The following ITGA11 variants were observed in gnomAD, a reference collection of about 807,000 sequenced individuals.
ITGA11 encodes the protein integrin subunit alpha 11.
ITGA11 carries 97 observed loss-of-function variants against 141.9 expected under a neutral mutation model. That is an observed-to-expected ratio of 0.68 (90% CI 0.58 to 0.81). The LOEUF is 0.81. Ranked by LOEUF, ITGA11 falls within the 30% of genes least tolerant of loss-of-function variation. The pLI is 0.00. For synonymous variants in ITGA11, 658 were observed against 624.6 expected (o/e 1.05, Z -0.80); for missense variants, 1,387 against 1,559.2 (o/e 0.89, Z 1.86).
intron 1 of ITGA11, among the ~76,000 whole-genome samples, chr15:68,428,770 A>G (rs1023457292): frequency 6.6e-6 from 1 of 152,174 alleles, no homozygotes; most frequent in African/African-American, 2.4e-5. Context: ...CACAAGGGCC[A>G]TGTTGCATGG....
intron 10 of ITGA11, among the ~76,000 whole-genome samples, chr15:68,343,236 CAT>C (rs1894630591): frequency 1.3e-5 from 2 of 152,184 alleles, no homozygotes; most frequent in East Asian, 3.9e-4. Flanking sequence ...ATTGCGGTAG[CAT>C]GTGAGAAGTG....
rs1420719644 is a variant in ITGA11 at position 68,325,469 on chromosome 15, C to T, written c.2212-228G>A. On this transcript the variant is annotated intron_variant, in intron 17 of 29. Coordinates refer to ENST00000315757, the MANE Select transcript of ITGA11 (RefSeq NM_001004439.2). This position sits in a 1 kb window ranked among gnomAD's most constrained non-coding sequence, Gnocchi z 5.5. Reference sequence around the variant, plus strand: ...AGCTCAGCTCATGCCAACCTAGCTGCCTGGCTGTTTTGCCAAGCTCCTGCA... The same window carrying T: ...AGCTCAGCTCATGCCAACCTAGCTGTCTGGCTGTTTTGCCAAGCTCCTGCA... Among the ~76,000 whole-genome samples the T allele has an allele frequency of 6.6e-6, 1 of 152,196 alleles. No individual in the cohort carries two copies. Among genetic ancestry groups the T allele is most frequent in the Non-Finnish European group, 1.5e-5 (1 of 68,040 alleles).
intron 2 of ITGA11, among the ~76,000 whole-genome samples, chr15:68,372,064 C>T (rs1383928091): frequency 6.6e-6 from 1 of 152,176 alleles, no homozygotes; most frequent in African/African-American, 2.4e-5. Flanking sequence ...CCCAGCCCCA[C>T]AGTTGGTTTG....
chr15:68,419,637 T>C (rs1896970203), intron 1 of ITGA11, among the ~76,000 whole-genome samples: 1 of 152,232 alleles, frequency 6.6e-6, no homozygotes, highest in Non-Finnish European at 1.5e-5. Flanking sequence ...GCTCAGGAAA[T>C]GTTCATGGCA....
chr15:68,358,701 C>G (rs940811722), intron 5 of ITGA11, 116 bp from the exon 6 acceptor site: 1 of 1,157,758 alleles, frequency 8.6e-7, no homozygotes, highest in African/African-American at 1.6e-5. Flanking sequence ...GTGTAATTCC[C>G]TGGGCTGGGA....
rs946546724 is a variant in ITGA11, at chr15:68,304,274, G to A, written c.3382-389C>T. On this transcript the variant is annotated intron_variant, in intron 28 of 29. Transcript: ENST00000315757. The surrounding 1 kb of genome is among the most constrained non-coding windows in gnomAD (Gnocchi z 6.1). Reference sequence around the variant, plus strand: ...TCCTTGCACCTCTTCTTTTTCTAGAGTCACTTCCTGGGTGAACTCAGGGCT... The same window carrying A: ...TCCTTGCACCTCTTCTTTTTCTAGAATCACTTCCTGGGTGAACTCAGGGCT... 7.2e-5 allele frequency among the ~76,000 whole-genome samples: 11 copies of A among 152,146 alleles called. No individual in the cohort carries two copies. Among genetic ancestry groups the A allele is most frequent in the African/African-American group, 2.7e-4 (11 of 41,420 alleles).
At chr15:68,395,449 G>T (rs931256591) in intron 2 of ITGA11, among the ~76,000 whole-genome samples, 2 of 151,428 alleles carry the variant, frequency 1.3e-5, no homozygotes, top group Non-Finnish European at 2.9e-5. Context: ...TAGATGAGAG[G>T]CTAACTAGAA....
Position 68,411,128 on chromosome 15 carries a change from A to G in ITGA11, c.53-8099T>C, listed in dbSNP as rs147475792. Among the ~76,000 whole-genome samples the G allele has an allele frequency of 1.3e-4, 20 of 152,316 alleles. No homozygotes were observed. In the East Asian group the frequency reaches 3.7e-3, roughly 28 times the overall value. On this transcript the variant is annotated intron_variant, in intron 1 of 29. Transcript: ENST00000315757. The stretch of plus-strand genomic sequence containing the variant: ...GTGGAGTGAATATTTAAGTAATAGG[A>G]TTAGACATGTACACTGAGCAGAGCT...
intron 1 of ITGA11, among the ~76,000 whole-genome samples, chr15:68,422,369 C>A (rs1001121157): frequency 1.3e-5 from 2 of 152,128 alleles, no homozygotes; most frequent in Non-Finnish European, 2.9e-5. Flanking sequence ...CCTTGGTCTC[C>A]CAGACACCTT....
intron 1 of ITGA11, among the ~76,000 whole-genome samples, chr15:68,430,053 C>G (rs1267035769): frequency 1.3e-5 from 2 of 152,132 alleles, no homozygotes; most frequent in Non-Finnish European, 2.9e-5. Context: ...ACGCTAGGGC[C>G]CCACCCCCAG....
intron 21 of ITGA11, among the ~76,000 whole-genome samples, 196 bp from the exon 22 acceptor site, chr15:68,315,923 G>C (rs1200150274): frequency 1.3e-5 from 2 of 152,204 alleles, no homozygotes; most frequent in Non-Finnish European, 1.5e-5. Flanking sequence ...GGCTGCTGTG[G>C]GGACACAGCC....
rs1042108699 is a variant in ITGA11, at chr15:68,405,150, A to G, written c.53-2121T>C. ...CATACAGAAACAAGTTATTTTTCCCACTGTCTCCCTTTTTTTTTTTTTTTT... is the reference window on the plus strand; with the variant it reads ...CATACAGAAACAAGTTATTTTTCCCGCTGTCTCCCTTTTTTTTTTTTTTTT... On this transcript the variant is annotated intron_variant, in intron 1 of 29. Transcript: ENST00000315757. Among the ~76,000 whole-genome samples, 190 of 104,770 alleles carry G rather than the reference A, an allele frequency of 1.8e-3. 2 individuals carry two copies. The highest frequency in any genetic ancestry group is 6.9e-3 in the African/African-American group (185 of 26,730). 68.7% of individuals were successfully genotyped at this position (104,770 alleles called of 152,430 possible). A position where few individuals can be genotyped will look rare whatever the true frequency, so the allele number is the denominator to read the frequency against.
chr15:68,420,335 A>G (rs1459880690), intron 1 of ITGA11, among the ~76,000 whole-genome samples: 1 of 152,184 alleles, frequency 6.6e-6, no homozygotes, highest in Non-Finnish European at 1.5e-5. Flanking sequence ...GTCATCTCAG[A>G]GTCATAGTAA....
At chr15:68,429,517 G>T (rs1897221607) in intron 1 of ITGA11, among the ~76,000 whole-genome samples, 1 of 152,126 alleles carries the variant, frequency 6.6e-6, no homozygotes, top group African/African-American at 2.4e-5. Flanking sequence ...TGTCCAGCCT[G>T]CAGCTGGAGC....
chr15:68,378,773 G>A (rs888739345), intron 2 of ITGA11, among the ~76,000 whole-genome samples: 2 of 152,224 alleles, frequency 1.3e-5, no homozygotes, highest in Admixed American at 1.3e-4. Flanking sequence ...CTACCCTGAT[G>A]GCTGGACATA....
rs1458037361 is a variant in ITGA11, at chr15:68,305,041, A to G, written c.3382-1156T>C. On this transcript the variant is annotated intron_variant, in intron 28 of 29. Transcript: ENST00000315757. This position sits in a 1 kb window ranked among gnomAD's most constrained non-coding sequence, Gnocchi z 4.6. Reference sequence around the variant, plus strand: ...GCTCTGCTCTGCTCTGCTCAAGCTCAAAGTAAAAAGTGCAGTCCTGGCCCT... The same window carrying G: ...GCTCTGCTCTGCTCTGCTCAAGCTCGAAGTAAAAAGTGCAGTCCTGGCCCT... 1.3e-5 allele frequency among the ~76,000 whole-genome samples: 2 copies of G among 152,186 alleles called. No homozygotes were observed. Among genetic ancestry groups the G allele is most frequent in the Non-Finnish European group, 2.9e-5 (2 of 68,034 alleles).
At chr15:68,423,653 A>G (rs1057192053) in intron 1 of ITGA11, among the ~76,000 whole-genome samples, 4 of 152,188 alleles carry the variant, frequency 2.6e-5, no homozygotes, top group African/African-American at 7.2e-5. Context: ...GGAAAGTAAG[A>G]CAACTCTGTT....
At chr15:68,383,237 CT>C (rs1895904982) in intron 2 of ITGA11, among the ~76,000 whole-genome samples, 1 of 151,254 alleles carries the variant, frequency 6.6e-6, no homozygotes, top group Admixed American at 6.6e-5. Flanking sequence ...TGCCACCGCA[CT>C]CCAGCCTGGT....
intron 1 of ITGA11, 66 bp downstream of exon 1, chr15:68,431,949 A>G: frequency 8.7e-7 from 1 of 1,143,400 alleles, no homozygotes; most frequent in Non-Finnish European, 1.1e-6. Flanking sequence ...TGGCCGCTGG[A>G]TCCAAGCCCC....
Sources: allele counts gnomAD v4.1 joint callset (sites outside exome capture counted in the v4.1 genomes callset), GRCh38; gene constraint gnomAD v4.1.1; non-coding constraint Gnocchi (gnomAD v3.1); transcripts MANE v1.5; gene names NCBI Gene and HGNC (gene_info 2026-07-23, HGNC 2026-07-21).